Variants in PRKAG3 observed in about 807,000 individuals in gnomAD.
PRKAG3 encodes protein kinase AMP-activated non-catalytic subunit gamma 3.
Under a neutral mutation model 56.5 loss-of-function variants are expected in PRKAG3, and 39 were observed. The observed-to-expected ratio is 0.69, with a 90% CI of 0.53 to 0.90. The LOEUF (loss-of-function observed/expected upper bound fraction) is 0.90. Among genes scored for constraint, PRKAG3 ranks in the 40% least tolerant of loss-of-function variants. The probability of loss-of-function intolerance (pLI) is 0.00; values close to 1 mark genes in which losing one functional copy is unlikely to be tolerated. For missense variants in PRKAG3, 628 were observed against 627.5 expected (o/e 1.00, Z -0.01); for synonymous variants, 243 against 250.1 (o/e 0.97, Z 0.27).
chr2:218,828,075 G>A lies in PRKAG3; in HGVS notation c.716-13C>T, dbSNP rs772078651. On this transcript the variant is annotated splice_polypyrimidine_tract_variant and intron_variant, in intron 5 of 12. Coordinates refer to ENST00000529249, the Ensembl canonical transcript of PRKAG3. Reference sequence around the variant, plus strand: ...ATGGTCAGCATCCCTGCAGGGAGGGGCGGGGAGGAGGTCAGCCCGGGGCCT... The same window carrying A: ...ATGGTCAGCATCCCTGCAGGGAGGGACGGGGAGGAGGTCAGCCCGGGGCCT... 6 of 1,553,932 alleles carry A rather than the reference G, an allele frequency of 3.9e-6. No homozygotes were observed. In the African/African-American group the frequency reaches 5.5e-5, roughly 14 times the overall value.
At chr2:218,830,067 G>C (rs1204788538) in exon 4 of PRKAG3, 2 of 1,612,432 alleles carry the variant, frequency 1.2e-6, no homozygotes, top group South Asian at 1.1e-5. Flanking sequence ...ATGTAGATCT[G>C]GGCGCCGGGT....
chr2:218,826,811 G>A lies in PRKAG3; in HGVS notation c.1168+117C>T, dbSNP rs1575211335. On this transcript the variant is annotated intron_variant, in intron 10 of 12. Transcript: ENST00000529249. ...AGTAGACGGAGACTTCTAATCCCCAGTCCATCCTGTACCCCCCACAGGGAT... is the reference window on the plus strand; with the variant it reads ...AGTAGACGGAGACTTCTAATCCCCAATCCATCCTGTACCCCCCACAGGGAT... The A allele has an allele frequency of 6.6e-6, 9 of 1,358,716 alleles. No individual in the cohort carries two copies. In the East Asian group the frequency reaches 1.9e-4, roughly 29 times the overall value. The allele number at this position is 1,358,716 out of a possible 1,614,324, so 84.2% of individuals were successfully genotyped here. A position where few individuals can be genotyped will look rare whatever the true frequency, so the allele number is the denominator to read the frequency against.
At position 218,831,729 on chromosome 2, in the gene PRKAG3, C is replaced by CAGTGCGTG. The variant is rs1312056939; in HGVS notation, c.33+8_33+9insCACGCACT. 2 of 1,610,392 alleles carry CAGTGCGTG rather than the reference C, an allele frequency of 1.2e-6. No individual in the cohort carries two copies. Among genetic ancestry groups the CAGTGCGTG allele is most frequent in the African/African-American group, 2.7e-5 (2 of 75,030 alleles). ...TGCCCCGGCTCCGGCTCCCCTGGGA[C>CAGTGCGTG]CCCCATACCCTGCGCAGTGCGTGCT... On this transcript the variant is annotated intron_variant, in intron 1 of 12. Coordinates refer to ENST00000529249, the Ensembl canonical transcript of PRKAG3.
intron 10 of PRKAG3, chr2:218,826,696 A>C (rs1943936807): frequency 1.8e-6 from 1 of 564,140 alleles, no homozygotes; most frequent in Non-Finnish European, 3.2e-6. Flanking sequence ...TCCTCCTGTG[A>C]AGTCAGAAAG....
intron 10 of PRKAG3, 130 bp from the exon 11 acceptor site, chr2:218,824,706 C>T: frequency 1.2e-6 from 1 of 820,232 alleles, no homozygotes. Context: ...AAGGATCAAA[C>T]TTAGCATCCC....
intron 10 of PRKAG3, 53 bp from the exon 11 acceptor site, chr2:218,824,629 G>A (rs766439025): frequency 1.1e-4 from 161 of 1,509,676 alleles, no homozygotes; most frequent in Non-Finnish European, 1.3e-4. Context: ...AAGAGGCTCC[G>A]GTCAGAACCG....
Position 218,827,633 on chromosome 2 carries a change from C to A in PRKAG3, c.821-4G>T. On this transcript the variant is annotated splice_polypyrimidine_tract_variant and splice_region_variant and intron_variant, in intron 7 of 12. Coordinates refer to ENST00000529249, the Ensembl canonical transcript of PRKAG3. This position sits in a 1 kb window ranked among gnomAD's most constrained non-coding sequence, Gnocchi z 5.3. Reference sequence around the variant, plus strand: ...AAGCAGCCTTGCAGGTAGATCTCTGCAGAAAGAGCCAGAGTCAGGCCAGGG... The same window carrying A: ...AAGCAGCCTTGCAGGTAGATCTCTGAAGAAAGAGCCAGAGTCAGGCCAGGG... The A allele has an allele frequency of 1.9e-6, 3 of 1,613,908 alleles. No individual in the cohort carries two copies. The highest frequency in any genetic ancestry group is 2.5e-6 in the Non-Finnish European group (3 of 1,179,930).
Position 218,823,574 on chromosome 2 carries a change from G to T in PRKAG3, c.*188C>A, listed in dbSNP as rs976706276. 3.9e-6 allele frequency: 5 copies of T among 1,276,564 alleles called. No homozygotes were observed. In the Admixed American group the frequency reaches 5.7e-5, roughly 14 times the overall value. 79.1% of individuals were successfully genotyped at this position (1,276,564 alleles called of 1,614,324 possible). ...TGAGCTTGGCCACTCCCATCCTCAGGGTGTCCCAATCTGAGATCCAGGAAA... is the reference window on the plus strand; with the variant it reads ...TGAGCTTGGCCACTCCCATCCTCAGTGTGTCCCAATCTGAGATCCAGGAAA... On this transcript the variant is annotated 3_prime_UTR_variant, in exon 13 of 13. Coordinates refer to ENST00000529249, the Ensembl canonical transcript of PRKAG3.
At chr2:218,828,886 T>C (rs1054214693) in intron 4 of PRKAG3, among the ~76,000 whole-genome samples, 2 of 152,230 alleles carry the variant, frequency 1.3e-5, no homozygotes. Context: ...AAATTCTAAG[T>C]TCATGTTTCC....
chr2:218,826,935 G>C (rs895049770), exon 10 of PRKAG3: 1 of 1,614,054 alleles, frequency 6.2e-7, no homozygotes, highest in Non-Finnish European at 8.5e-7. Flanking sequence ...TACCACATTC[G>C]TTGACCACAG....
rs201403528 is a variant in PRKAG3, at chr2:218,830,386, T to C, written c.230-5A>G. 7 of 1,605,278 alleles carry C rather than the reference T, an allele frequency of 4.4e-6. No individual in the cohort carries two copies. In the East Asian group the frequency reaches 1.3e-4, roughly 31 times the overall value. On this transcript the variant is annotated splice_polypyrimidine_tract_variant and splice_region_variant and intron_variant, in intron 3 of 12. Transcript: ENST00000529249. The stretch of plus-strand genomic sequence containing the variant: ...CAGCTGGCCTGGACCGGGGACCTGT[T>C]TGGGGGAGGAGGGGAAGAGGACAGT...
At chr2:218,822,461 A>G (rs1943860434), downstream of PRKAG3, 1 of 152,234 alleles carries the variant, frequency 6.6e-6, no homozygotes. Flanking sequence ...CTCTTGCCAC[A>G]AGTTCAGGTC....
Position 218,827,113 on chromosome 2 carries a change from G to A in PRKAG3, c.1003-20C>T. 1 of 1,612,942 alleles carries A rather than the reference G, an allele frequency of 6.2e-7. No individual in the cohort carries two copies. The highest frequency in any genetic ancestry group is 8.5e-7 in the Non-Finnish European group (1 of 1,180,028). ...GGAACCCTGGTTAGGATGGGGACCA[G>A]GTGGAGATCAGGGATCCAGCAGCTT... On this transcript the variant is annotated intron_variant, in intron 9 of 12. Coordinates refer to ENST00000529249, the Ensembl canonical transcript of PRKAG3. The surrounding 1 kb of genome is among the most constrained non-coding windows in gnomAD (Gnocchi z 5.3).
rs766688337 is a variant in PRKAG3 at position 218,827,802 on chromosome 2, C to CA, written c.820+30dup. ...TTAAGCCCTGGCCCACCATCACCAA[C>CA]AGCCCTTTCCGGGTTCCTCTCCCCA... is the stretch of plus-strand genomic sequence containing the variant. On this transcript the variant is annotated intron_variant, in intron 7 of 12. Transcript: ENST00000529249. This position sits in a 1 kb window ranked among gnomAD's most constrained non-coding sequence, Gnocchi z 5.3. The CA allele has an allele frequency of 1.4e-6, 2 of 1,439,450 alleles. No homozygotes were observed. Among genetic ancestry groups the CA allele is most frequent in the East Asian group, 2.5e-5 (1 of 39,546 alleles). The allele number at this position is 1,439,450 out of a possible 1,614,324, so 89.2% of individuals were successfully genotyped here. A position where few individuals can be genotyped will look rare whatever the true frequency, so the allele number is the denominator to read the frequency against.
intron 4 of PRKAG3, among the ~76,000 whole-genome samples, chr2:218,829,351 C>T (rs1239301037): frequency 2.7e-5 from 4 of 148,858 alleles, no homozygotes; most frequent in East Asian, 3.9e-4. Context: ...CATGGAATTT[C>T]GCACTGTCTC....
chr2:218,825,088 T>C (rs1304590260), intron 10 of PRKAG3, among the ~76,000 whole-genome samples: 1 of 152,074 alleles, frequency 6.6e-6, no homozygotes, highest in Non-Finnish European at 1.5e-5. Context: ...GAAAAATACA[T>C]TCCCTTGGGA....
chr2:218,827,394 A>G lies in PRKAG3; in HGVS notation c.876-21T>C, dbSNP rs529518015. On this transcript the variant is annotated intron_variant, in intron 8 of 12. Transcript: ENST00000529249. The surrounding 1 kb of genome is among the most constrained non-coding windows in gnomAD (Gnocchi z 5.3). ...ACAGGCTGCAGAGATGGGAGCAGTG[A>G]GCCTCGGGGCAGCCTAGGGAGAGAC... The G allele has an allele frequency of 2.5e-5, 40 of 1,614,100 alleles. No individual in the cohort carries two copies. Among genetic ancestry groups the G allele is most frequent in the Non-Finnish European group, 3.3e-5 (39 of 1,179,992 alleles).
chr2:218,830,719 C>G (rs1446867777), intron 3 of PRKAG3, 27 bp downstream of exon 3: 1 of 1,606,718 alleles, frequency 6.2e-7, no homozygotes, highest in African/African-American at 1.3e-5. Context: ...CTGGCTCCCA[C>G]CTCCCCAGAA....
intron 3 of PRKAG3, 56 bp downstream of exon 3, chr2:218,830,690 T>A: frequency 6.3e-7 from 1 of 1,584,974 alleles, no homozygotes; most frequent in Non-Finnish European, 8.6e-7. Flanking sequence ...CCCAGGCTCC[T>A]CTGGGATTTC....
Sources: gnomAD v4.1 joint callset for allele counts (sites outside exome capture counted in the v4.1 genomes callset) on GRCh38, gnomAD v4.1.1 for gene constraint, Gnocchi (gnomAD v3.1) non-coding constraint, MANE v1.5 for transcripts, NCBI Gene and HGNC (gene_info 2026-07-23, HGNC 2026-07-21) for gene names.